The following KCNT2 variants were observed in gnomAD, a reference collection of about 807,000 sequenced individuals.
The protein encoded by KCNT2 is potassium sodium-activated channel subfamily T member 2, also known as potassium channel subfamily T member 2.
A neutral mutation model predicts 153.8 loss-of-function variants in KCNT2; 67 were observed. The ratio of observed to expected loss-of-function variants is 0.44; its 90% confidence interval spans 0.36 to 0.53. The LOEUF is 0.53. Ranked by LOEUF, KCNT2 falls within the 20% of genes least tolerant of loss-of-function variation. KCNT2 has a pLI of 0.00. For missense variants in KCNT2, 975 were observed against 1,354.8 expected (o/e 0.72, Z 4.40); for synonymous variants, 500 against 458.8 (o/e 1.09, Z -1.15).
At chr1:196,426,511 T>C (rs910149499) in intron 10 of KCNT2, among the ~76,000 whole-genome samples, 3 of 151,986 alleles carry the variant, frequency 2.0e-5, no homozygotes, top group African/African-American at 4.8e-5. Flanking sequence ...ACAAAGTAAA[T>C]TAAATGAACA....
chr1:196,430,659 C>T (rs1467655186), intron 8 of KCNT2, among the ~76,000 whole-genome samples: 1 of 151,944 alleles, frequency 6.6e-6, no homozygotes, highest in Non-Finnish European at 1.5e-5. Flanking sequence ...AAAACAAGTC[C>T]TTAAATGAAT....
chr1:196,408,366 T>TA (rs1349628743), intron 12 of KCNT2, among the ~76,000 whole-genome samples: 3 of 150,992 alleles, frequency 2.0e-5, no homozygotes, highest in Admixed American at 1.3e-4. Context: ...TCTTTCCCAC[T>TA]AAAAAAAATA....
At chr1:196,518,820 T>TA (rs1413331023) in intron 1 of KCNT2, among the ~76,000 whole-genome samples, 6 of 152,012 alleles carry the variant, frequency 3.9e-5, no homozygotes, top group Non-Finnish European at 1.5e-5. Flanking sequence ...CAAAGAAACT[T>TA]AGACTTCCAC....
chr1:196,600,992 A>G (rs769275930), intron 1 of KCNT2, among the ~76,000 whole-genome samples: 1 of 152,116 alleles, frequency 6.6e-6, no homozygotes, highest in Non-Finnish European at 1.5e-5. Flanking sequence ...CTTCTCTTCT[A>G]TAAGTGATTT....
chr1:196,545,746 T>G (rs968571008), intron 1 of KCNT2, among the ~76,000 whole-genome samples: 5 of 109,420 alleles, frequency 4.6e-5, no homozygotes, highest in African/African-American at 1.8e-4. Flanking sequence ...CAGCAACTAT[T>G]AATATAATTT....
intron 1 of KCNT2, among the ~76,000 whole-genome samples, chr1:196,511,116 AACACACACACACACAC>A (rs35177032): frequency 5.5e-5 from 8 of 146,568 alleles, no homozygotes; most frequent in Middle Eastern, 3.5e-3. Flanking sequence ...AAACACACAC[AACACACACACACACAC>A]ACACACACAC....
At chr1:196,366,940 G>C (rs1247509764) in intron 14 of KCNT2, among the ~76,000 whole-genome samples, 2 of 152,122 alleles carry the variant, frequency 1.3e-5, no homozygotes, top group African/African-American at 2.4e-5. Flanking sequence ...AAATTAAGTG[G>C]AGTAGGTTGG....
intron 8 of KCNT2, among the ~76,000 whole-genome samples, chr1:196,433,592 A>G (rs1011170303): frequency 1.1e-4 from 17 of 152,074 alleles, no homozygotes; most frequent in African/African-American, 4.1e-4. Context: ...TTTATGACAC[A>G]TATATTATGT....
At chr1:196,536,204 A>C (rs1355324667) in intron 1 of KCNT2, among the ~76,000 whole-genome samples, 1 of 152,202 alleles carries the variant, frequency 6.6e-6, no homozygotes, top group Non-Finnish European at 1.5e-5. Flanking sequence ...ACAGGTTACT[A>C]TTCAGCCCCA....
intron 13 of KCNT2, among the ~76,000 whole-genome samples, chr1:196,391,108 G>A (rs761689821): frequency 6.6e-6 from 1 of 151,172 alleles, no homozygotes; most frequent in African/African-American, 2.4e-5. Context: ...GGCAGGAAAG[G>A]GGGGTTGTAA....
At chr1:196,351,189 T>C (rs1666657441) in intron 14 of KCNT2, among the ~76,000 whole-genome samples, 1 of 151,906 alleles carries the variant, frequency 6.6e-6, no homozygotes, top group Non-Finnish European at 1.5e-5. Context: ...TGATGCGGGC[T>C]TTTTTTTGGT....
chr1:196,367,207 T>C (rs1668114488), intron 14 of KCNT2, among the ~76,000 whole-genome samples: 1 of 152,124 alleles, frequency 6.6e-6, no homozygotes, highest in South Asian at 2.1e-4. Flanking sequence ...ACAGGAAACA[T>C]TAAAATTCAG....
chr1:196,597,972 A>G (rs1321780426), intron 1 of KCNT2, among the ~76,000 whole-genome samples: 1 of 152,184 alleles, frequency 6.6e-6, no homozygotes, highest in South Asian at 2.1e-4. Flanking sequence ...AAAAAAATCA[A>G]TTTCACTCTA....
At chr1:196,386,248 A>G (rs192926420) in intron 13 of KCNT2, among the ~76,000 whole-genome samples, 140 of 152,316 alleles carry the variant, frequency 9.2e-4, no homozygotes, top group Admixed American at 1.8e-3. Flanking sequence ...AATAACCTAC[A>G]TCTTCATTGT....
At position 196,326,879 on chromosome 1, in the gene KCNT2, T is replaced by G; in HGVS notation, c.2114A>C (p.His705Pro). The G allele has an allele frequency of 6.4e-7, 1 of 1,562,346 alleles. No homozygotes were observed. Among genetic ancestry groups the G allele is most frequent in the Non-Finnish European group, 8.6e-7 (1 of 1,160,308 alleles). ...CCLRLDKSCQHNYYEDAKAYG... is the reference protein window; with the variant it reads ...CCLRLDKSCQPNYYEDAKAYG... ...GGCTTTTGCATCCTCATAGTAGTTA[T>G]GTTGGCAACTCTAGAGAAGAGAAAG... The change falls in exon 19 of 28, where the codon CAT (histidine) becomes CCT (proline). Residue 705 changes from histidine (H) to proline (P), a missense_variant. By Grantham distance (77) the His-to-Pro change is moderately conservative. Around this residue, in one of 6 missense-constraint regions of KCNT2, gnomAD observed 325 missense variants for 388.1 expected, o/e 0.84. Transcript: ENST00000294725.
At chr1:196,414,162 T>C (rs1672564159) in intron 12 of KCNT2, among the ~76,000 whole-genome samples, 1 of 151,656 alleles carries the variant, frequency 6.6e-6, no homozygotes, top group Admixed American at 6.6e-5. Flanking sequence ...ATGCCTAATA[T>C]TAACAATTCA....
chr1:196,445,093 C>A (rs1052361506), intron 8 of KCNT2, among the ~76,000 whole-genome samples: 1 of 151,026 alleles, frequency 6.6e-6, no homozygotes, highest in African/African-American at 2.4e-5. Flanking sequence ...AGTGTATATC[C>A]AAGAAATAAT....
At chr1:196,498,289 T>C (rs1190268029) in intron 1 of KCNT2, among the ~76,000 whole-genome samples, 1 of 152,164 alleles carries the variant, frequency 6.6e-6, no homozygotes, top group African/African-American at 2.4e-5. Context: ...TTTGCTTTTT[T>C]CTAGTGCCAG....
intron 2 of KCNT2, among the ~76,000 whole-genome samples, chr1:196,491,934 G>A (rs1010348209): frequency 2.0e-5 from 3 of 151,944 alleles, no homozygotes; most frequent in Non-Finnish European, 2.9e-5. Flanking sequence ...GATATTTAGA[G>A]TTAAAATGGA....
Sources: allele counts gnomAD v4.1 joint callset (sites outside exome capture counted in the v4.1 genomes callset), GRCh38; gene constraint gnomAD v4.1.1; regional missense constraint gnomAD v4.1.1; transcripts MANE v1.5; gene names NCBI Gene and HGNC (gene_info 2026-07-23, HGNC 2026-07-21).